GMIP: variants seen among roughly 807,000 people sequenced by gnomAD.
GMIP encodes GEM interacting protein.
A neutral mutation model predicts 105.3 loss-of-function variants in GMIP; 54 were observed. The observed-to-expected ratio is 0.51, with a 90% confidence interval of 0.41 to 0.64. GMIP has a LOEUF of 0.64. Among genes scored for constraint, GMIP ranks in the 30% least tolerant of loss-of-function variants. The probability of loss-of-function intolerance (pLI) is 0.00; values close to 1 mark genes in which losing one functional copy is unlikely to be tolerated. For missense variants in GMIP, 1,110 were observed against 1,319.4 expected, an observed-to-expected ratio of 0.84 and a Z score of 2.46; for synonymous variants, 541 against 560.8, an observed-to-expected ratio of 0.96 and a Z score of 0.50.
chr19:19,635,102 T>G lies in GMIP; in HGVS notation c.1672A>C (p.Arg558=). 6.2e-7 allele frequency: 1 copy of G among 1,613,976 alleles called. No individual in the cohort carries two copies. ...LFGVDFLQLP[R]DFPEEVPFVV... is the part of the protein sequence containing the mutation. ...AAGGGTACCTCCTCCGGGAAGTCCC[T>G]GGGTAGCTGCAGGAAGTCAACCCCA... The change falls in exon 16 of 21, where the codon AGG becomes CGG. Residue 558 remains arginine, a synonymous_variant. Transcript: ENST00000203556. The surrounding 1 kb of genome is among the most constrained non-coding windows in gnomAD (Gnocchi z 4.7).
chr19:19,642,730 G>C, intron 1 of GMIP, 111 bp from the exon 2 acceptor site: 12 of 497,498 alleles, frequency 2.4e-5, no homozygotes, highest in East Asian at 3.3e-5. Flanking sequence ...GTGAGAGAGA[G>C]AAAGAGAGGG....
chr19:19,637,873 G>A lies in GMIP; in HGVS notation c.927+47C>T. The A allele has an allele frequency of 6.4e-7, 1 of 1,557,302 alleles. No homozygotes were observed. ...GGGCGAGGAGTGGGGCACTCAGTCG[G>A]GGCCCCAACGGGGTGAGGGGAGGAT... On this transcript the variant is annotated intron_variant, in intron 10 of 20. Transcript: ENST00000203556. The surrounding 1 kb of genome is among the most constrained non-coding windows in gnomAD (Gnocchi z 6.7).
rs376815324 is a variant in GMIP, at chr19:19,635,559, G to A, written c.1416C>T (p.Asp472=). Residue 472 remains aspartate (D), a synonymous_variant, in exon 15 of 21, where the codon GAC becomes GAT. Coordinates refer to ENST00000203556, the MANE Select transcript of GMIP (RefSeq NM_016573.4). This position sits in a 1 kb window ranked among gnomAD's most constrained non-coding sequence, Gnocchi z 4.7. ...GGCTGCCCAGCCCATTCTCCAGCCC[G>A]TCTCCCAGGTCTGCAGGGAGACAGG... ...DFEERDPDLG[D]GLENGLGSPF... 3.1e-5 allele frequency: 50 copies of A among 1,613,626 alleles called. No homozygotes were observed. Among genetic ancestry groups the A allele is most frequent in the Non-Finnish European group, 3.7e-5 (44 of 1,179,800 alleles).
rs747790075 is a variant in GMIP, at chr19:19,635,568, G to A, written c.1407C>T (p.Asp469=). ...SSDDFEERDP[D]LGDGLENGLG... is the part of the protein sequence containing the mutation. Reference sequence around the variant, plus strand: ...GCCCATTCTCCAGCCCGTCTCCCAGGTCTGCAGGGAGACAGGGTCAGGAGT... The same window carrying A: ...GCCCATTCTCCAGCCCGTCTCCCAGATCTGCAGGGAGACAGGGTCAGGAGT... The change falls in exon 15 of 21, where the codon GAC becomes GAT. Residue 469 remains aspartate, a splice_region_variant and synonymous_variant. Transcript: ENST00000203556. This position sits in a 1 kb window ranked among gnomAD's most constrained non-coding sequence, Gnocchi z 4.7. 3.7e-6 allele frequency: 6 copies of A among 1,613,704 alleles called. No homozygotes were observed. The Admixed American group carries it at 8.3e-5, about 22-fold the overall frequency.
In GMIP at chr19:19,635,597, T is replaced by C; in HGVS notation, c.1406-28A>G. On this transcript the variant is annotated intron_variant, in intron 14 of 20. Coordinates refer to ENST00000203556, the MANE Select transcript of GMIP (RefSeq NM_016573.4). This position sits in a 1 kb window ranked among gnomAD's most constrained non-coding sequence, Gnocchi z 4.7. Reference sequence around the variant, plus strand: ...GCAGGGAGACAGGGTCAGGAGTGCCTGGTGCCCTGCCCTGTCCCATCCTGA... The same window carrying C: ...GCAGGGAGACAGGGTCAGGAGTGCCCGGTGCCCTGCCCTGTCCCATCCTGA... 1 of 1,613,386 alleles carries C rather than the reference T, an allele frequency of 6.2e-7. No homozygotes were observed. Among genetic ancestry groups the C allele is most frequent in the Non-Finnish European group, 8.5e-7 (1 of 1,179,460 alleles).
Position 19,637,834 on chromosome 19 carries a change from C to A in GMIP, c.927+86G>T. 2 of 1,418,784 alleles carry A rather than the reference C, an allele frequency of 1.4e-6. No homozygotes were observed. Among genetic ancestry groups the A allele is most frequent in the Non-Finnish European group, 1.9e-6 (2 of 1,040,004 alleles). The allele number at this position is 1,418,784 out of a possible 1,614,324, so 87.9% of individuals were successfully genotyped here. On this transcript the variant is annotated intron_variant, in intron 10 of 20. Coordinates refer to ENST00000203556, the MANE Select transcript of GMIP (RefSeq NM_016573.4). This position sits in a 1 kb window ranked among gnomAD's most constrained non-coding sequence, Gnocchi z 6.7. ...GGGAAATGGCCTAGTCCTGGTGTCT[C>A]CAGGGTGGCTTAGGGGCGAGGAGTG...
chr19:19,642,117 G>A (rs2061928732), intron 2 of GMIP, 66 bp from the exon 3 acceptor site: 1 of 1,048,384 alleles, frequency 9.5e-7, no homozygotes, highest in Non-Finnish European at 1.4e-6. Context: ...GGGTGCTGGG[G>A]ACCTTAGGGT....
Position 19,634,449 on chromosome 19 carries a change from A to T in GMIP, c.2084+58T>A. 1.4e-6 allele frequency: 2 copies of T among 1,413,370 alleles called. No homozygotes were observed. Among genetic ancestry groups the T allele is most frequent in the Non-Finnish European group, 2.0e-6 (2 of 1,018,970 alleles). The allele number at this position is 1,413,370 out of a possible 1,614,324, so 87.6% of individuals were successfully genotyped here. On this transcript the variant is annotated intron_variant, in intron 18 of 20. Coordinates refer to ENST00000203556, the MANE Select transcript of GMIP (RefSeq NM_016573.4). This position sits in a 1 kb window ranked among gnomAD's most constrained non-coding sequence, Gnocchi z 6.1. ...GTGTCAGGGGTCAGCCAGGGAAGTT[A>T]GTAGTCGCATGTCCAGGGAAAAGGG... is the stretch of plus-strand genomic sequence containing the variant.
intron 1 of GMIP, chr19:19,643,072 C>T (rs758864503): frequency 4.6e-6 from 1 of 216,342 alleles, no homozygotes; most frequent in Non-Finnish European, 9.2e-6. Flanking sequence ...ACAAAGACGG[C>T]CGGAAACACC....
chr19:19,629,743 G>A lies in GMIP; in HGVS notation c.*220C>T, dbSNP rs1412994559. 3.5e-6 allele frequency: 2 copies of A among 574,072 alleles called. No individual in the cohort carries two copies. The highest frequency in any genetic ancestry group is 3.1e-6 in the Non-Finnish European group (1 of 326,420). The allele number at this position is 574,072 out of a possible 1,614,324, so 35.6% of individuals were successfully genotyped here. A position where few individuals can be genotyped will look rare whatever the true frequency, so the allele number is the denominator to read the frequency against. ...CCGAGTGGCCCTGATGCTTGGCAGT[G>A]ACCTGTGTCTAGTGGGGGGACTCTG... On this transcript the variant is annotated 3_prime_UTR_variant, in exon 21 of 21. Transcript: ENST00000203556.
At position 19,630,193 on chromosome 19, in the gene GMIP, A is replaced by G. The variant is rs770675543; in HGVS notation, c.2683T>C (p.Cys895Arg). ...SSLALVASKL[C>R]EETPITSVPR... is the part of the protein sequence containing the mutation. ...ACTGATGTGATGGGGGTCTCCTCGC[A>G]CAGCTTGGAAGCCACCAGGGCCAGA... The change falls in exon 21 of 21, where the codon TGC (cysteine) becomes CGC (arginine). Residue 895 changes from cysteine to arginine, a missense_variant. Coordinates refer to ENST00000203556, the MANE Select transcript of GMIP (RefSeq NM_016573.4). The surrounding 1 kb of genome is among the most constrained non-coding windows in gnomAD (Gnocchi z 4.8). 1 of 1,601,610 alleles carries G rather than the reference A, an allele frequency of 6.2e-7. No individual in the cohort carries two copies. The highest frequency in any genetic ancestry group is 8.5e-7 in the Non-Finnish European group (1 of 1,171,206).
chr19:19,631,814 C>T (rs558966053), intron 19 of GMIP, among the ~76,000 whole-genome samples: 5 of 151,394 alleles, frequency 3.3e-5, no homozygotes, highest in African/African-American at 9.7e-5. Flanking sequence ...GGTGAAACCC[C>T]GTCTCTACTA....
rs2061848259 is a variant in GMIP, at chr19:19,635,807, C to A, written c.1328-86G>T. On this transcript the variant is annotated intron_variant, in intron 13 of 20. Transcript: ENST00000203556. This position sits in a 1 kb window ranked among gnomAD's most constrained non-coding sequence, Gnocchi z 4.7. The stretch of plus-strand genomic sequence containing the variant: ...GCTTCCAGAACCACCCACTAATTCC[C>A]AAGGGGTCAGAGGTCAGGAGGGGGA... 1 of 1,120,876 alleles carries A rather than the reference C, an allele frequency of 8.9e-7. No homozygotes were observed. The allele number at this position is 1,120,876 out of a possible 1,614,324, so 69.4% of individuals were successfully genotyped here.
In GMIP at chr19:19,635,288, G is replaced by A. The variant is rs2061841687; in HGVS notation, c.1561-75C>T. 1 of 1,531,846 alleles carries A rather than the reference G, an allele frequency of 6.5e-7. No individual in the cohort carries two copies. The highest frequency in any genetic ancestry group is 1.4e-5 in the African/African-American group (1 of 73,104). 94.9% of individuals were successfully genotyped at this position (1,531,846 alleles called of 1,614,324 possible). On this transcript the variant is annotated intron_variant, in intron 15 of 20. Transcript: ENST00000203556. This position sits in a 1 kb window ranked among gnomAD's most constrained non-coding sequence, Gnocchi z 4.7. The stretch of plus-strand genomic sequence containing the variant: ...AAGAGAAGGTTACAAGGATCCTCAA[G>A]GAATGGGGGCTCATGGGAGACATCA...
chr19:19,641,451 T>G (rs1289482240), intron 4 of GMIP, among the ~76,000 whole-genome samples: 3 of 152,182 alleles, frequency 2.0e-5, no homozygotes, highest in Non-Finnish European at 2.9e-5. Context: ...CAATCGTATC[T>G]CACTGCAGCC....
At position 19,635,691 on chromosome 19, in the gene GMIP, G is replaced by A. The variant is rs1290915582; in HGVS notation, c.1358C>T (p.Ser453Leu). 9 of 1,613,990 alleles carry A rather than the reference G, an allele frequency of 5.6e-6. No individual in the cohort carries two copies. The highest frequency in any genetic ancestry group is 7.6e-6 in the Non-Finnish European group (9 of 1,179,992). The change falls in exon 14 of 21, where the codon TCG becomes TTG. Residue 453 changes from serine to leucine, a missense_variant. By Grantham distance (145) the Ser-to-Leu change is moderately radical (BLOSUM62 -2). Around this residue, in one of 3 missense-constraint regions of GMIP, gnomAD observed 667 missense variants for 773.2 expected, o/e 0.86. Transcript: ENST00000203556. The surrounding 1 kb of genome is among the most constrained non-coding windows in gnomAD (Gnocchi z 4.7). ...GAGTRQLVKA[S>L]STGTESSDDF... ...ATCTGAGGACTCAGTGCCTGTGGAC[G>A]AAGCCTTCACCAGCTGCCTCGTGCC... is the stretch of plus-strand genomic sequence containing the variant.
intron 13 of GMIP, among the ~76,000 whole-genome samples, chr19:19,636,406 C>T (rs912852122): frequency 4.6e-5 from 7 of 151,792 alleles, no homozygotes; most frequent in South Asian, 4.2e-4. Context: ...ACCTGTAATC[C>T]CAGCTACTCC....
rs34960556 is a variant in GMIP at position 19,630,261 on chromosome 19, T to A, written c.2615A>T (p.Tyr872Phe). 2,592 of 1,561,846 alleles carry A rather than the reference T, an allele frequency of 1.7e-3. 40 individuals carry two copies. In the African/African-American group the frequency reaches 0.029, roughly 17 times the overall value. ...TACAGGCCTCACACCGCCCCGGGGA[T>A]ACTTCACTGGCTGGCGGCTGAAGTG... is the stretch of plus-strand genomic sequence containing the variant. ...RGHFSRQPVK[Y>F]PRGGVRPVTH... The change falls in exon 21 of 21, where the codon TAT becomes TTT. Residue 872 changes from tyrosine (Y) to phenylalanine (F), a missense_variant. Transcript: ENST00000203556. The surrounding 1 kb of genome is among the most constrained non-coding windows in gnomAD (Gnocchi z 4.8).
Position 19,640,288 on chromosome 19 carries a change from A to G in GMIP, c.429+8T>C. On this transcript the variant is annotated splice_region_variant and intron_variant, in intron 6 of 20. Coordinates refer to ENST00000203556, the MANE Select transcript of GMIP (RefSeq NM_016573.4). Reference sequence around the variant, plus strand: ...TTGGGCTCTCCGGGGGGGTCTGGTCATGACTACCTGCTGTTGAATGGACAC... The same window carrying G: ...TTGGGCTCTCCGGGGGGGTCTGGTCGTGACTACCTGCTGTTGAATGGACAC... The G allele has an allele frequency of 6.2e-7, 1 of 1,613,504 alleles. No homozygotes were observed. The highest frequency in any genetic ancestry group is 8.5e-7 in the Non-Finnish European group (1 of 1,179,598).
Sources: gnomAD v4.1 joint callset for allele counts (sites outside exome capture counted in the v4.1 genomes callset) on GRCh38, gnomAD v4.1.1 for gene constraint, gnomAD v4.1.1 regional missense constraint, Gnocchi (gnomAD v3.1) non-coding constraint, MANE v1.5 for transcripts, NCBI Gene and HGNC (gene_info 2026-07-23, HGNC 2026-07-21) for gene names.